The following TMEM150C variants were observed in gnomAD, a reference collection of about 807,000 sequenced individuals.
TMEM150C encodes the protein tentonin 3.
A neutral mutation model predicts 29.9 loss-of-function variants in TMEM150C; 10 were observed. The ratio of observed to expected loss-of-function variants is 0.33; its 90% CI spans 0.21 to 0.57. The LOEUF (loss-of-function observed/expected upper bound fraction) is 0.57, where lower values mean the gene tolerates loss of function less well. Ranked by LOEUF, TMEM150C falls within the 20% of genes least tolerant of loss-of-function variation. The pLI is 0.88. For synonymous variants in TMEM150C, 101 were observed against 112.5 expected, an observed-to-expected ratio of 0.90 and a Z score of 0.64; for missense variants, 251 against 303.6, an observed-to-expected ratio of 0.83 and a Z score of 1.29.
intron 1 of TMEM150C, among the ~76,000 whole-genome samples, chr4:82,507,157 T>C (rs1230867251): frequency 6.6e-6 from 1 of 152,214 alleles, no homozygotes; most frequent in Non-Finnish European, 1.5e-5. Flanking sequence ...TGGTATTTTA[T>C]ACCTTTGCAA....
intron 7 of TMEM150C, among the ~76,000 whole-genome samples, chr4:82,487,827 C>T (rs1723211302): frequency 6.6e-6 from 1 of 152,162 alleles, no homozygotes; most frequent in Non-Finnish European, 1.5e-5. Context: ...TTCCCCCCCT[C>T]ATCTTAGGGT....
intron 1 of TMEM150C, among the ~76,000 whole-genome samples, chr4:82,522,024 C>T (rs1284331500): frequency 2.6e-5 from 4 of 152,196 alleles, no homozygotes; most frequent in African/African-American, 9.6e-5. Flanking sequence ...TACTGCACCA[C>T]TGTACTCCAG....
chr4:82,520,266 GA>G (rs1724440508), intron 1 of TMEM150C, among the ~76,000 whole-genome samples: 2 of 152,212 alleles, frequency 1.3e-5, no homozygotes, highest in Admixed American at 6.5e-5. Context: ...CCACATATGT[GA>G]AAGTGTGAAA....
intron 1 of TMEM150C, among the ~76,000 whole-genome samples, chr4:82,543,017 T>C (rs1301372702): frequency 2.0e-5 from 3 of 152,234 alleles, no homozygotes; most frequent in African/African-American, 7.2e-5. Context: ...ACTTACTATG[T>C]GCCTGGCACA....
At chr4:82,532,038 A>T (rs1409094965) in intron 1 of TMEM150C, among the ~76,000 whole-genome samples, 2 of 152,208 alleles carry the variant, frequency 1.3e-5, no homozygotes, top group African/African-American at 4.8e-5. Context: ...CTGTAAACAA[A>T]CAGATGGAGC....
intron 1 of TMEM150C, among the ~76,000 whole-genome samples, chr4:82,539,898 G>A (rs1162906302): frequency 6.6e-6 from 1 of 152,060 alleles, no homozygotes; most frequent in Non-Finnish European, 1.5e-5. Context: ...AATGTTCCTG[G>A]AAGGTAAATT....
At chr4:82,548,868 T>C (rs1725470266) in intron 1 of TMEM150C, among the ~76,000 whole-genome samples, 1 of 152,174 alleles carries the variant, frequency 6.6e-6, no homozygotes, top group Non-Finnish European at 1.5e-5. Flanking sequence ...TCCCAACCAC[T>C]TGTGTGTGCA....
intron 7 of TMEM150C, 31 bp from the exon 8 acceptor site, chr4:82,485,750 CA>C: frequency 2.6e-6 from 4 of 1,556,776 alleles, no homozygotes; most frequent in Non-Finnish European, 3.5e-6. Context: ...AAAATACCCT[CA>C]TCAGCCACAT....
chr4:82,541,416 G>A (rs533358426), intron 1 of TMEM150C, among the ~76,000 whole-genome samples: 2 of 152,140 alleles, frequency 1.3e-5, no homozygotes, highest in East Asian at 3.9e-4. Flanking sequence ...AACCATTGAT[G>A]TGAAAAAACA....
chr4:82,534,452 AAAG>A (rs1450740120), intron 1 of TMEM150C, among the ~76,000 whole-genome samples: 3 of 152,244 alleles, frequency 2.0e-5, no homozygotes, highest in African/African-American at 7.2e-5. Flanking sequence ...ATAATAGAAA[AAAG>A]AAGCCATTTA....
intron 1 of TMEM150C, among the ~76,000 whole-genome samples, chr4:82,539,554 G>T (rs1389759398): frequency 6.6e-6 from 1 of 151,840 alleles, no homozygotes. Context: ...CCGGGTTCAC[G>T]CCATTCTCCT....
At chr4:82,547,690 A>G (rs184457289) in intron 1 of TMEM150C, among the ~76,000 whole-genome samples, 273 of 152,372 alleles carry the variant, frequency 1.8e-3, no homozygotes, top group African/African-American at 6.4e-3. Context: ...TATTATTAAA[A>G]TGTCAAAAAA....
chr4:82,497,638 A>C (rs114788551), intron 5 of TMEM150C, among the ~76,000 whole-genome samples: 327 of 152,348 alleles, frequency 2.1e-3, no homozygotes, highest in African/African-American at 7.8e-3. Context: ...GCCCTGATAT[A>C]TCTTTCAGTA....
At chr4:82,546,927 T>C (rs1213469004) in intron 1 of TMEM150C, among the ~76,000 whole-genome samples, 1 of 152,130 alleles carries the variant, frequency 6.6e-6, no homozygotes, top group Non-Finnish European at 1.5e-5. Flanking sequence ...ATGTAAGGTT[T>C]CAAACTATAA....
At chr4:82,501,035 G>A (rs1723721176) in intron 5 of TMEM150C, among the ~76,000 whole-genome samples, 1 of 152,240 alleles carries the variant, frequency 6.6e-6, no homozygotes, top group Admixed American at 6.5e-5. Flanking sequence ...AATGGCAGAG[G>A]GGCCAGGAAA....
intron 6 of TMEM150C, chr4:82,494,823 T>A: frequency 2.4e-6 from 1 of 420,612 alleles, no homozygotes. Context: ...ATCTTATTTG[T>A]TACTCAAAAA....
intron 1 of TMEM150C, among the ~76,000 whole-genome samples, chr4:82,515,303 T>C (rs1724256141): frequency 6.6e-6 from 1 of 152,198 alleles, no homozygotes; most frequent in East Asian, 1.9e-4. Flanking sequence ...TATGCGCACA[T>C]AAGTTTTCCT....
intron 6 of TMEM150C, among the ~76,000 whole-genome samples, chr4:82,492,007 T>C (rs1407550941): frequency 6.8e-6 from 1 of 146,468 alleles, no homozygotes; most frequent in African/African-American, 2.7e-5. Flanking sequence ...TGGCACTCAG[T>C]TCACTGCAAT....
At chr4:82,539,094 T>C (rs765206824) in intron 1 of TMEM150C, among the ~76,000 whole-genome samples, 2 of 151,972 alleles carry the variant, frequency 1.3e-5, no homozygotes, top group Non-Finnish European at 2.9e-5. Flanking sequence ...CAAAAGATAT[T>C]TGATAAAATT....
Sources: gnomAD v4.1 joint callset for allele counts (sites outside exome capture counted in the v4.1 genomes callset) on GRCh38, gnomAD v4.1.1 for gene constraint, MANE v1.5 for transcripts, NCBI Gene and HGNC (gene_info 2026-07-23, HGNC 2026-07-21) for gene names.